The following ZMAT1 variants were observed in gnomAD, a reference collection of about 807,000 sequenced individuals.
ZMAT1 encodes the protein zinc finger matrin-type protein 1.
Under a neutral mutation model 18.5 loss-of-function variants are expected in ZMAT1, and 11 were observed. That is an observed-to-expected ratio of 0.59 (90% CI 0.37 to 0.98). The LOEUF is 0.98. Ranked by LOEUF, ZMAT1 falls within the 50% of genes least tolerant of loss-of-function variation. The pLI is 0.01. For missense variants in ZMAT1, 525 were observed against 496.2 expected, an observed-to-expected ratio of 1.06 and a Z score of -0.55; for synonymous variants, 211 against 176.4, an observed-to-expected ratio of 1.20 and a Z score of -1.55.
intron 1 of ZMAT1, among the ~76,000 whole-genome samples, chrX:101,926,853 T>C (rs1194537570): frequency 1.8e-5 from 2 of 112,397 alleles, no homozygotes; most frequent in African/African-American, 6.5e-5. Context: ...AACTTGCTAT[T>C]AGATGTTTTA....
At position 101,898,123 on chromosome X, in the gene ZMAT1, A is replaced by G. The variant is rs1179156972; in HGVS notation, c.497T>C (p.Phe166Ser). ...ATACCAACACACATCACTCACCTGA[A>G]AATTCTCAACATGCATCTTCATTTT... is the stretch of plus-strand genomic sequence containing the variant. ...GKKMKMHVEN[F>S]QVHRYEGVDK... is the part of the protein sequence containing the mutation. Residue 166 changes from phenylalanine (F) to serine (S), a missense_variant, in exon 3 of 6, where the codon TTT (phenylalanine) becomes TCT (serine). Coordinates refer to ENST00000651725, the MANE Select transcript of ZMAT1 (RefSeq NM_001394560.1). 8.3e-7 allele frequency: 1 copy of G among 1,210,868 alleles called. No individual in the cohort carries two copies. Among genetic ancestry groups the G allele is most frequent in the Non-Finnish European group, 1.1e-6 (1 of 894,628 alleles).
At chrX:101,893,048 T>C (rs1927533123) in intron 4 of ZMAT1, among the ~76,000 whole-genome samples, 1 of 111,710 alleles carries the variant, frequency 9.0e-6, no homozygotes, top group Non-Finnish European at 1.9e-5. Flanking sequence ...CAAGGTAGGG[T>C]TGAAAAATCT....
chrX:101,894,289 C>T (rs1927642122), intron 4 of ZMAT1, among the ~76,000 whole-genome samples: 2 of 111,468 alleles, frequency 1.8e-5, no homozygotes, highest in African/African-American at 6.5e-5. Flanking sequence ...AACCCACACA[C>T]TGAGTAGCAA....
chrX:101,892,719 G>A (rs1015611906), intron 4 of ZMAT1: 1 of 748,491 alleles, frequency 1.3e-6, no homozygotes, highest in East Asian at 1.5e-4. Flanking sequence ...GTTCCATATC[G>A]TTATGGTAGC....
At position 101,884,599 on chromosome X, in the gene ZMAT1, A is replaced by G. The variant is rs755320591; in HGVS notation, c.999T>C (p.Thr333=). The G allele has an allele frequency of 2.5e-6, 3 of 1,209,424 alleles. No homozygotes were observed. The highest frequency in any genetic ancestry group is 3.4e-6 in the Non-Finnish European group (3 of 894,910). ...RMFEQRLPFE[T]FRTYAAPYNI... ...TGTATGGTGCTGCGTATGTCCGGAA[A>G]GTCTCAAATGGGAGTCTTTGTTCAA... Residue 333 remains threonine (T), a synonymous_variant, in exon 6 of 6, where the codon ACT becomes ACC. Transcript: ENST00000651725.
At chrX:101,928,467 T>A (rs1440357191) in intron 1 of ZMAT1, among the ~76,000 whole-genome samples, 2 of 112,416 alleles carry the variant, frequency 1.8e-5, no homozygotes, top group Admixed American at 1.9e-4. Context: ...AAGTGATTCT[T>A]CTGCCTCAGC....
intron 2 of ZMAT1, 31 bp from the exon 3 acceptor site, chrX:101,898,251 T>C: frequency 8.7e-7 from 1 of 1,149,220 alleles, no homozygotes; most frequent in African/African-American, 1.8e-5. Context: ...ACTTTGTTTA[T>C]TCAATAAAAG....
At chrX:101,896,144 A>G (rs1200904308) in intron 4 of ZMAT1, among the ~76,000 whole-genome samples, 1 of 112,070 alleles carries the variant, frequency 8.9e-6, no homozygotes, top group East Asian at 2.8e-4. Context: ...TTATATTCAT[A>G]TAAAAATCAA....
At chrX:101,923,641 A>C (rs1002878695) in intron 1 of ZMAT1, among the ~76,000 whole-genome samples, 2 of 111,892 alleles carry the variant, frequency 1.8e-5, no homozygotes, top group African/African-American at 6.5e-5. Flanking sequence ...TCTCTCCAAA[A>C]TATCTCTTTG....
intron 4 of ZMAT1, chrX:101,892,680 TAATA>T (rs1927504308): frequency 2.8e-6 from 2 of 722,150 alleles, no homozygotes; most frequent in Non-Finnish European, 3.3e-6. Context: ...AAAACAAATA[TAATA>T]AATAAAAAAT....
intron 4 of ZMAT1, chrX:101,892,899 A>AT (rs1409451808): frequency 7.0e-6 from 1 of 143,113 alleles, no homozygotes; most frequent in Non-Finnish European, 1.2e-5. Flanking sequence ...TTAAGGTGGC[A>AT]TATGTTAAAT....
intron 1 of ZMAT1, 80 bp downstream of exon 1, chrX:101,931,637 G>C: frequency 1.4e-6 from 1 of 732,377 alleles, no homozygotes; most frequent in Non-Finnish European, 1.6e-6. Context: ...GGCGAACCGC[G>C]CCCAGCCCAA....
At chrX:101,909,702 G>A (rs1012645577) in intron 1 of ZMAT1, among the ~76,000 whole-genome samples, 1 of 112,697 alleles carries the variant, frequency 8.9e-6, no homozygotes, top group African/African-American at 3.2e-5. Context: ...GAAAGTGAAG[G>A]AAGGATAAGA....
intron 1 of ZMAT1, among the ~76,000 whole-genome samples, chrX:101,925,462 T>C (rs1292586178): frequency 8.9e-6 from 1 of 112,063 alleles, no homozygotes; most frequent in Non-Finnish European, 1.9e-5. Context: ...TACTGGGATG[T>C]TGGAAAAAAA....
In ZMAT1 at chrX:101,882,503, G is replaced by T. The variant is rs1480169547; in HGVS notation, c.*1007C>A. ...AGTTATTTCATACATATTCCTTGGA[G>T]AAAGCTGAGACACATAAACACAGAA... On this transcript the variant is annotated 3_prime_UTR_variant, in exon 6 of 6. Coordinates refer to ENST00000651725, the MANE Select transcript of ZMAT1 (RefSeq NM_001394560.1). 1 of 111,525 alleles carries T rather than the reference G, an allele frequency of 9.0e-6. No homozygotes were observed. The highest frequency in any genetic ancestry group is 3.3e-5 in the African/African-American group (1 of 30,651). The allele number at this position is 111,525 out of a possible 1,213,427, so 9.2% of individuals were successfully genotyped here.
At chrX:101,884,854 A>G (rs1289690117) in intron 5 of ZMAT1, 33 bp from the exon 6 acceptor site, 3 of 819,012 alleles carry the variant, frequency 3.7e-6, no homozygotes, top group South Asian at 6.4e-5. Flanking sequence ...TTGTTATTAG[A>G]TTATTTTATT....
chrX:101,895,789 G>A, intron 4 of ZMAT1: 1 of 734,581 alleles, frequency 1.4e-6, no homozygotes, highest in Non-Finnish European at 1.6e-6. Flanking sequence ...GGGAGAGGAA[G>A]GCATAGTCTT....
chrX:101,913,716 G>C (rs1003806625), intron 1 of ZMAT1, among the ~76,000 whole-genome samples: 4 of 111,701 alleles, frequency 3.6e-5, no homozygotes, highest in African/African-American at 6.5e-5. Flanking sequence ...AAGTGAAAGA[G>C]AGAGATAGGC....
chrX:101,910,930 T>C (rs777820689), intron 1 of ZMAT1, among the ~76,000 whole-genome samples: 29 of 110,857 alleles, frequency 2.6e-4, no homozygotes, highest in Non-Finnish European at 4.9e-4. Flanking sequence ...ACAAGAACAT[T>C]ATAGAACACC....
Sources: allele counts gnomAD v4.1 joint callset (sites outside exome capture counted in the v4.1 genomes callset), GRCh38; gene constraint gnomAD v4.1.1; transcripts MANE v1.5; gene names NCBI Gene and HGNC (gene_info 2026-07-23, HGNC 2026-07-21).